POLR2F: variants seen among roughly 807,000 people sequenced by gnomAD.
POLR2F encodes DNA-directed RNA polymerases I, II, and III subunit RPABC2.
POLR2F carries 12 observed loss-of-function variants against 22.7 expected under a neutral mutation model. The observed-to-expected ratio is 0.53, with a 90% CI of 0.34 to 0.86. The LOEUF is 0.86. POLR2F is among the 40% of genes least tolerant of loss of function. The pLI is 0.02. For missense variants in POLR2F, 126 were observed against 171.5 expected (o/e 0.73, Z 1.48); for synonymous variants, 57 against 66.0 (o/e 0.86, Z 0.66).
chr22:38,041,216 A>G (rs1018188728), downstream of POLR2F: 10 of 1,545,884 alleles, frequency 6.5e-6, no homozygotes, highest in Non-Finnish European at 8.0e-6. Context: ...GGATGTGAGG[A>G]CACGGTCTAG....
intron 1 of POLR2F, among the ~76,000 whole-genome samples, chr22:38,019,204 G>A (rs1329728095): frequency 6.6e-6 from 1 of 152,078 alleles, no homozygotes; most frequent in Non-Finnish European, 1.5e-5. Flanking sequence ...GGCACAGTGT[G>A]GCTGTGGGCG....
chr22:38,027,176 G>A (rs573350204), downstream of POLR2F, among the ~76,000 whole-genome samples: 50 of 152,284 alleles, frequency 3.3e-4, no homozygotes, highest in African/African-American at 1.2e-3. Flanking sequence ...GATACACGTG[G>A]TCCATTCATT....
intron 1 of POLR2F, among the ~76,000 whole-genome samples, chr22:38,001,804 A>C (rs2084772667): frequency 1.3e-5 from 2 of 151,190 alleles, no homozygotes; most frequent in South Asian, 4.2e-4. Flanking sequence ...AAGTGCTGGG[A>C]TTACAAGTGT....
intron 1 of POLR2F, among the ~76,000 whole-genome samples, chr22:37,991,954 T>G (rs1265368610): frequency 3.9e-5 from 6 of 152,276 alleles, no homozygotes; most frequent in African/African-American, 1.4e-4. Flanking sequence ...AGGGCTTGCA[T>G]GGAAGAGAAT....
chr22:38,022,067 G>A (rs891933087), intron 1 of POLR2F, among the ~76,000 whole-genome samples: 6 of 150,966 alleles, frequency 4.0e-5, no homozygotes, highest in Admixed American at 3.3e-4. Flanking sequence ...GGATGTGGAG[G>A]TTGCATTGAG....
intron 5 of POLR2F, among the ~76,000 whole-genome samples, chr22:38,039,309 C>T (rs987564200): frequency 4.6e-5 from 7 of 152,326 alleles, no homozygotes; most frequent in Admixed American, 2.0e-4. Flanking sequence ...AGGAAGCCAG[C>T]GAGAGAATGA....
intron 3 of POLR2F, 21 bp from the exon 4 acceptor site, chr22:37,967,078 C>CAGGT (rs1358946125): frequency 6.3e-6 from 10 of 1,596,132 alleles, no homozygotes; most frequent in Non-Finnish European, 8.6e-6. Context: ...GTCTCCCTAA[C>CAGGT]ACCTGTCCCT....
At chr22:38,003,013 C>T (rs1227024492) in intron 1 of POLR2F, among the ~76,000 whole-genome samples, 1 of 152,068 alleles carries the variant, frequency 6.6e-6, no homozygotes, top group African/African-American at 2.4e-5. Flanking sequence ...GCGTGACCCA[C>T]CGCGCCCGGC....
intron 2 of POLR2F, 151 bp downstream of exon 2, chr22:37,956,993 G>C (rs572261310): frequency 8.5e-6 from 6 of 707,026 alleles, no homozygotes; most frequent in Admixed American, 8.2e-5. Flanking sequence ...TTCCAGTCTT[G>C]CATAGCAGAA....
Position 37,959,462 on chromosome 22 carries a change from A to G in POLR2F, c.207A>G (p.Arg69=). Residue 69 remains arginine (R), a synonymous_variant, in exon 3 of 5, where the codon CGA becomes CGG. Coordinates refer to ENST00000442738, the MANE Select transcript of POLR2F (RefSeq NM_021974.5). ...KYERARVLGT[R]ALQIAMCAPV... is the part of the protein sequence containing the mutation. ...AGCGAGCCCGCGTGCTGGGCACCCG[A>G]GCGCTCCAGATTGCGTGAGTGATTG... The G allele has an allele frequency of 6.2e-7, 1 of 1,613,828 alleles. No homozygotes were observed. Among genetic ancestry groups the G allele is most frequent in the Non-Finnish European group, 8.5e-7 (1 of 1,179,942 alleles).
At chr22:37,987,456 C>T (rs775359419) in intron 1 of POLR2F, 11 of 362,626 alleles carry the variant, frequency 3.0e-5, no homozygotes, top group Non-Finnish European at 4.9e-5. Flanking sequence ...GGAGCTGGTC[C>T]GGCTTTATGG....
Position 38,031,830 on chromosome 22 carries a change from G to A in POLR2F, c.453-9238G>A, listed in dbSNP as rs1338924838. ...TCCAGTGACCCAGGCATGAAGCTTC[G>A]GAGTCATTTTTGACTCATCCATCCC... On this transcript the variant is annotated intron_variant, in intron 5 of 5. Transcript: ENST00000407936. The surrounding 1 kb of genome is among the most constrained non-coding windows in gnomAD (Gnocchi z 4.1). Among the ~76,000 whole-genome samples, 5 of 151,728 alleles carry A rather than the reference G, an allele frequency of 3.3e-5. No homozygotes were observed. The highest frequency in any genetic ancestry group is 1.3e-4 in the Admixed American group (2 of 15,236).
chr22:37,972,247 T>G, downstream of POLR2F: 1 of 1,302,304 alleles, frequency 7.7e-7, no homozygotes, highest in South Asian at 1.2e-5. Flanking sequence ...CAGAAAGCAT[T>G]TGAGGAAGCA....
downstream of POLR2F, chr22:37,973,704 G>T: frequency 6.2e-7 from 1 of 1,607,834 alleles, no homozygotes; most frequent in South Asian, 1.1e-5. Context: ...TCAAACTGGG[G>T]GCGGGAGATG....
At chr22:37,976,624 G>T (rs73415864) in intron 4 of POLR2F, among the ~76,000 whole-genome samples, 6,305 of 152,232 alleles carry the variant, frequency 0.041, 424 homozygotes, top group African/African-American at 0.14. Flanking sequence ...GCAGATGCCC[G>T]GGAGCCAAAC....
exon 2 of POLR2F, chr22:38,025,888 C>A (rs1255762343): frequency 2.4e-6 from 2 of 844,908 alleles, no homozygotes; most frequent in Non-Finnish European, 4.1e-6. Flanking sequence ...CGTCTCTTCT[C>A]CCTCCTGTCT....
chr22:38,032,154 C>T (rs1296404532), intron 5 of POLR2F: 3 of 152,232 alleles, frequency 2.0e-5, no homozygotes, highest in South Asian at 2.1e-4. Context: ...CAAGCCACCA[C>T]ACCCAGCTAA....
At chr22:38,013,551 C>T (rs1169046475) in intron 1 of POLR2F, among the ~76,000 whole-genome samples, 1 of 152,164 alleles carries the variant, frequency 6.6e-6, no homozygotes, top group Non-Finnish European at 1.5e-5. Context: ...TCTCAGAATT[C>T]CTAACTTATA....
intron 1 of POLR2F, among the ~76,000 whole-genome samples, chr22:38,014,640 A>G (rs1161364238): frequency 6.6e-6 from 1 of 150,972 alleles, no homozygotes; most frequent in East Asian, 1.9e-4. Context: ...CTACAGGACC[A>G]TGCCCAGCTA....
Sources: allele counts gnomAD v4.1 joint callset (sites outside exome capture counted in the v4.1 genomes callset), GRCh38; gene constraint gnomAD v4.1.1; non-coding constraint Gnocchi (gnomAD v3.1); transcripts MANE v1.5; gene names NCBI Gene and HGNC (gene_info 2026-07-23, HGNC 2026-07-21).